The following HEMK2 variants were observed in gnomAD, a reference collection of about 807,000 sequenced individuals.
HEMK2 encodes the protein methyltransferase HEMK2.
the HEMK2 span, among the ~76,000 whole-genome samples, chr21:28,716,850 T>C: frequency 6.6e-6 from 1 of 152,340 alleles, no homozygotes; most frequent in South Asian, 2.1e-4. Context: ...CTTTTCTGTG[T>C]CTATTGAAAT....
At chr21:28,869,289 C>T in the HEMK2 span, among the ~76,000 whole-genome samples, 5 of 152,076 alleles carry the variant, frequency 3.3e-5, no homozygotes, top group South Asian at 2.1e-4. Flanking sequence ...TCTATTAAAC[C>T]GTGGTTACAT....
At chr21:28,774,913 G>C in the HEMK2 span, among the ~76,000 whole-genome samples, 8 of 152,034 alleles carry the variant, frequency 5.3e-5, no homozygotes, top group African/African-American at 1.7e-4. Context: ...TCTAAATTTA[G>C]ATCCATCTTG....
At chr21:28,760,427 C>A in the HEMK2 span, among the ~76,000 whole-genome samples, 1 of 152,142 alleles carries the variant, frequency 6.6e-6, no homozygotes, top group Non-Finnish European at 1.5e-5. Flanking sequence ...TAGACAATAC[C>A]TAAACAGTTA....
chr21:28,670,220 A>G, the HEMK2 span, among the ~76,000 whole-genome samples: 3 of 152,226 alleles, frequency 2.0e-5, no homozygotes, highest in Admixed American at 6.5e-5. Context: ...TACTTTCTTA[A>G]ACTAAATACA....
the HEMK2 span, chr21:28,577,142 G>A: frequency 2.3e-4 from 35 of 152,260 alleles, no homozygotes; most frequent in African/African-American, 7.7e-4. Context: ...GTGTTGACTG[G>A]AGCCACTTAC....
At chr21:28,619,812 T>C in the HEMK2 span, among the ~76,000 whole-genome samples, 2 of 152,144 alleles carry the variant, frequency 1.3e-5, no homozygotes, top group Non-Finnish European at 2.9e-5. Context: ...GGACTAAGGA[T>C]AGCATGCAAA....
At chr21:28,652,880 T>C in the HEMK2 span, among the ~76,000 whole-genome samples, 9 of 152,104 alleles carry the variant, frequency 5.9e-5, no homozygotes, top group Admixed American at 2.6e-4. Flanking sequence ...TAGCCTAAGA[T>C]ACTCCCACGA....
the HEMK2 span, among the ~76,000 whole-genome samples, chr21:28,859,305 C>A: frequency 2.0e-5 from 3 of 151,550 alleles, no homozygotes; most frequent in Admixed American, 1.3e-4. Context: ...CTTTTTTTTC[C>A]TTAAGAATCT....
At chr21:28,853,128 A>G in the HEMK2 span, among the ~76,000 whole-genome samples, 1 of 152,194 alleles carries the variant, frequency 6.6e-6, no homozygotes, top group Non-Finnish European at 1.5e-5. Flanking sequence ...GGTCAAGGAT[A>G]TATCTTCTGG....
chr21:28,840,728 G>A, the HEMK2 span, among the ~76,000 whole-genome samples: 1 of 151,794 alleles, frequency 6.6e-6, no homozygotes. Flanking sequence ...AGTGAACAGG[G>A]AACATTTCTA....
the HEMK2 span, among the ~76,000 whole-genome samples, chr21:28,633,701 G>C: frequency 6.6e-6 from 1 of 152,174 alleles, no homozygotes; most frequent in African/African-American, 2.4e-5. Flanking sequence ...ATGACTTAAA[G>C]AGCTTTTTCC....
At chr21:28,850,374 G>A in the HEMK2 span, among the ~76,000 whole-genome samples, 6 of 151,882 alleles carry the variant, frequency 4.0e-5, no homozygotes, top group Admixed American at 2.0e-4. Context: ...ACAGGCGCCC[G>A]CCACCACGCC....
the HEMK2 span, among the ~76,000 whole-genome samples, chr21:28,617,050 T>C: frequency 6.6e-6 from 1 of 152,014 alleles, no homozygotes; most frequent in African/African-American, 2.4e-5. Context: ...AATAAATAAA[T>C]AAACAAGAAA....
chr21:28,756,014 T>A, the HEMK2 span, among the ~76,000 whole-genome samples: 20 of 152,382 alleles, frequency 1.3e-4, no homozygotes, highest in East Asian at 3.9e-3. Context: ...TTGTAGCAGC[T>A]GAAGTCAAGT....
chr21:28,676,651 G>T, the HEMK2 span, among the ~76,000 whole-genome samples: 1,163 of 152,276 alleles, frequency 7.6e-3, 13 homozygotes, highest in African/African-American at 0.027. Context: ...GCAGCGAGGA[G>T]CCTGGCCCCT....
chr21:28,796,216 C>G, the HEMK2 span, among the ~76,000 whole-genome samples: 9 of 152,140 alleles, frequency 5.9e-5, no homozygotes, highest in Admixed American at 5.9e-4. Flanking sequence ...CTCACAGCAA[C>G]CTCCGCCACC....
chr21:28,606,188 C>A, the HEMK2 span, among the ~76,000 whole-genome samples: 1 of 152,110 alleles, frequency 6.6e-6, no homozygotes. Flanking sequence ...GCAATCCAAG[C>A]CCCAAGCATT....
the HEMK2 span, chr21:28,883,108 T>C: frequency 2.1e-6 from 3 of 1,403,698 alleles, no homozygotes; most frequent in South Asian, 1.3e-5. Flanking sequence ...TATAGTAGAA[T>C]CAAAATACTC....
chr21:28,578,072 C>T, the HEMK2 span, among the ~76,000 whole-genome samples: 1 of 152,322 alleles, frequency 6.6e-6, no homozygotes, highest in Admixed American at 6.5e-5. Context: ...CTAAACTCAG[C>T]TGTCATTGCT....
Sources: allele counts gnomAD v4.1 joint callset (sites outside exome capture counted in the v4.1 genomes callset), GRCh38; gene constraint gnomAD v4.1.1; transcripts MANE v1.5; gene names NCBI Gene and HGNC (gene_info 2026-07-23, HGNC 2026-07-21).